Variants in NRDC observed in about 807,000 individuals in gnomAD.
NRDC encodes nardilysin.
In NRDC, 54 loss-of-function variants were observed where a neutral mutation model predicts 147.1. The ratio of observed to expected loss-of-function variants is 0.37; its 90% CI spans 0.29 to 0.46. The LOEUF (loss-of-function observed/expected upper bound fraction) is 0.46. Among genes scored for constraint, NRDC ranks in the 20% least tolerant of loss-of-function variants. The probability of loss-of-function intolerance (pLI) is 1.00; values close to 1 mark genes in which losing one functional copy is unlikely to be tolerated. For synonymous variants in NRDC, 440 were observed against 482.1 expected, an observed-to-expected ratio of 0.91 and a Z score of 1.14; for missense variants, 1,082 against 1,370.6, an observed-to-expected ratio of 0.79 and a Z score of 3.33.
chr1:51,818,481 A>G (rs886267278), intron 9 of NRDC, among the ~76,000 whole-genome samples: 1 of 152,234 alleles, frequency 6.6e-6, no homozygotes, highest in African/African-American at 2.4e-5. Context: ...ATGTGCTTAC[A>G]TGACCTGAGA....
intron 10 of NRDC, among the ~76,000 whole-genome samples, 156 bp from the exon 11 acceptor site, chr1:51,816,545 A>G (rs906578362): frequency 6.6e-5 from 10 of 152,236 alleles, no homozygotes; most frequent in Admixed American, 2.6e-4. Flanking sequence ...TAGTAGCAGG[A>G]AGATAAAAAC....
chr1:51,824,175 G>T (rs573290725), intron 6 of NRDC, among the ~76,000 whole-genome samples: 3 of 148,460 alleles, frequency 2.0e-5, no homozygotes, highest in Non-Finnish European at 4.4e-5. Flanking sequence ...GCCCAGGCTG[G>T]AGTGCAATAG....
chr1:51,839,709 A>G (rs890468033), intron 2 of NRDC, among the ~76,000 whole-genome samples: 21 of 152,202 alleles, frequency 1.4e-4, no homozygotes, highest in Non-Finnish European at 2.5e-4. Context: ...GTTCCCATAT[A>G]AAGTGCTAAA....
At chr1:51,857,158 T>C (rs1269165947) in intron 1 of NRDC, among the ~76,000 whole-genome samples, 1 of 152,250 alleles carries the variant, frequency 6.6e-6, no homozygotes, top group Non-Finnish European at 1.5e-5. Context: ...AAGGTTTCTC[T>C]GTACACAGTG....
intron 7 of NRDC, among the ~76,000 whole-genome samples, chr1:51,821,802 A>G (rs1680220706): frequency 6.6e-6 from 1 of 152,174 alleles, no homozygotes; most frequent in Non-Finnish European, 1.5e-5. Context: ...AAAGGCACAC[A>G]AGTTTAACAA....
In NRDC at chr1:51,811,548, T is replaced by C. The variant is rs372586913; in HGVS notation, c.1779+446A>G. Among the ~76,000 whole-genome samples, 144 of 152,364 alleles carry C rather than the reference T, an allele frequency of 9.5e-4. 1 individual carries two copies. The highest frequency in any genetic ancestry group is 3.4e-3 in the African/African-American group (143 of 41,586). The stretch of plus-strand genomic sequence containing the variant: ...CCCTGACCGACAATGTATTGGCATG[T>C]AACATTATCCCTAAGTCATATGTTT... On this transcript the variant is annotated intron_variant, in intron 15 of 30. Coordinates refer to ENST00000352171, the MANE Select transcript of NRDC (RefSeq NM_001101662.2).
chr1:51,800,751 T>C, intron 20 of NRDC, 68 bp from the exon 21 acceptor site: 1 of 1,522,596 alleles, frequency 6.6e-7, no homozygotes, highest in Non-Finnish European at 8.9e-7. Context: ...AGGGAAATGT[T>C]TCTCTTTGGT....
At position 51,799,403 on chromosome 1, in the gene NRDC, C is replaced by A. The variant is rs188245829; in HGVS notation, c.2442-992G>T. Among the ~76,000 whole-genome samples, 220 of 151,790 alleles carry A rather than the reference C, an allele frequency of 1.4e-3. 2 individuals are homozygous for A. Among genetic ancestry groups the A allele is most frequent in the African/African-American group, 5.1e-3 (211 of 41,354 alleles). On this transcript the variant is annotated intron_variant, in intron 21 of 30. Coordinates refer to ENST00000352171, the MANE Select transcript of NRDC (RefSeq NM_001101662.2). The stretch of plus-strand genomic sequence containing the variant: ...TGATGTTCCCTCCCTGTGTCCATGT[C>A]CTTTCTAACATATATCTAGTTATTA...
At position 51,801,867 on chromosome 1, in the gene NRDC, A is replaced by G. The variant is rs570976226; in HGVS notation, c.2314-1184T>C. 1.5e-3 allele frequency among the ~76,000 whole-genome samples: 222 copies of G among 151,982 alleles called. 1 individual carries two copies. Among genetic ancestry groups the G allele is most frequent in the South Asian group, 4.2e-3 (20 of 4,814 alleles). The stretch of plus-strand genomic sequence containing the variant: ...CAGTGGCGCGATCTCGGCTCACTTC[A>G]AGCTCCGCCTCCCAGGGTCACACCA... On this transcript the variant is annotated intron_variant, in intron 20 of 30. Coordinates refer to ENST00000352171, the MANE Select transcript of NRDC (RefSeq NM_001101662.2).
At chr1:51,826,269 T>A (rs1160375416) in intron 5 of NRDC, among the ~76,000 whole-genome samples, 1 of 152,162 alleles carries the variant, frequency 6.6e-6, no homozygotes, top group Non-Finnish European at 1.5e-5. Flanking sequence ...ATTCCATTCC[T>A]CCAAAACTGT....
intron 1 of NRDC, among the ~76,000 whole-genome samples, chr1:51,855,832 C>G (rs1364400453): frequency 6.6e-6 from 1 of 151,796 alleles, no homozygotes; most frequent in Non-Finnish European, 1.5e-5. Flanking sequence ...AAGATTGCGC[C>G]ATGGCACTCC....
chr1:51,791,501 G>A (rs1678652603), intron 27 of NRDC, 77 bp downstream of exon 27: 1 of 1,254,504 alleles, frequency 8.0e-7, no homozygotes, highest in South Asian at 1.2e-5. Flanking sequence ...GGTTGCCCAA[G>A]GTTTAAGGAA....
rs781631909 is a variant in NRDC at position 51,816,299 on chromosome 1, A to G, written c.1439+13T>C. 1.9e-6 allele frequency: 3 copies of G among 1,561,540 alleles called. No individual in the cohort carries two copies. The highest frequency in any genetic ancestry group is 2.6e-6 in the Non-Finnish European group (3 of 1,145,200). On this transcript the variant is annotated intron_variant, in intron 11 of 30. Coordinates refer to ENST00000352171, the MANE Select transcript of NRDC (RefSeq NM_001101662.2). ...ATTGCTATACTGAAAATACTTATTA[A>G]TTGAATACTTGCTTTTTCCTAAGGA...
chr1:51,800,337 G>T (rs573602199), intron 21 of NRDC, among the ~76,000 whole-genome samples: 3 of 152,140 alleles, frequency 2.0e-5, no homozygotes, highest in Non-Finnish European at 4.4e-5. Context: ...CTTACTTTTA[G>T]TCTCTACAGT....
chr1:51,847,490 G>T (rs1228693940), intron 1 of NRDC, among the ~76,000 whole-genome samples: 1 of 152,226 alleles, frequency 6.6e-6, no homozygotes, highest in Non-Finnish European at 1.5e-5. Context: ...GGAGGCTCAG[G>T]CACGGCGGGC....
Position 51,878,499 on chromosome 1 carries a change from A to C in NRDC, c.117T>G (p.Ser39=). The change falls in exon 1 of 31, where the codon TCT becomes TCG. Residue 39 remains serine (S), a synonymous_variant. Transcript: ENST00000352171. The part of the protein sequence containing the change: ...GIETRGRCED[S]AAARPFPILA... ...GAATAGGAAAGGGTCTGGCAGCAGC[A>C]GAGTCTTCGCACCGACCCCGCGTTT... The C allele has an allele frequency of 6.2e-7, 1 of 1,613,884 alleles. No homozygotes were observed. The highest frequency in any genetic ancestry group is 1.1e-5 in the South Asian group (1 of 91,064).
intron 1 of NRDC, among the ~76,000 whole-genome samples, chr1:51,852,016 G>C (rs1033966396): frequency 6.6e-6 from 1 of 152,132 alleles, no homozygotes. Flanking sequence ...TGTGAGGGGG[G>C]CAGCCTACAG....
chr1:51,874,447 T>C (rs936997357), intron 1 of NRDC, among the ~76,000 whole-genome samples: 2 of 151,882 alleles, frequency 1.3e-5, no homozygotes, highest in African/African-American at 4.8e-5. Context: ...CGAAATCTCA[T>C]CTCTACAAAA....
At chr1:51,871,929 G>C (rs955436564) in intron 1 of NRDC, among the ~76,000 whole-genome samples, 3 of 152,084 alleles carry the variant, frequency 2.0e-5, no homozygotes, top group African/African-American at 7.2e-5. Flanking sequence ...AGAGTGCAGT[G>C]GGCGCGATCT....
Sources: gnomAD v4.1 joint callset for allele counts (sites outside exome capture counted in the v4.1 genomes callset) on GRCh38, gnomAD v4.1.1 for gene constraint, MANE v1.5 for transcripts, NCBI Gene and HGNC (gene_info 2026-07-23, HGNC 2026-07-21) for gene names.